Variants in DGKB observed in about 807,000 individuals in gnomAD.
DGKB encodes the protein diacylglycerol kinase beta.
In DGKB, 67 loss-of-function variants were observed where a neutral mutation model predicts 114.3. The ratio of observed to expected loss-of-function variants is 0.59; its 90% CI spans 0.48 to 0.72. The LOEUF is 0.72. DGKB is among the 30% of genes least tolerant of loss of function. The pLI is 0.00. For missense variants in DGKB, 907 were observed against 975.2 expected (o/e 0.93, Z 0.93); for synonymous variants, 398 against 323.1 (o/e 1.23, Z -2.49).
At chr7:14,381,135 T>G (rs1362735149) in intron 21 of DGKB, among the ~76,000 whole-genome samples, 2 of 152,184 alleles carry the variant, frequency 1.3e-5, no homozygotes, top group Non-Finnish European at 2.9e-5. Context: ...TGCTGCCATC[T>G]CTAGGTGAGA....
chr7:14,570,770 C>A (rs1798265455), intron 20 of DGKB, among the ~76,000 whole-genome samples: 1 of 151,130 alleles, frequency 6.6e-6, no homozygotes, highest in Admixed American at 6.6e-5. Context: ...GTGGCAGAGG[C>A]AAAATAGGTG....
chr7:14,492,984 C>T lies in DGKB; in HGVS notation c.1771-14759G>A, dbSNP rs142900753. Among the ~76,000 whole-genome samples, 798 of 152,176 alleles carry T rather than the reference C, an allele frequency of 5.2e-3. 6 individuals carry two copies. Among genetic ancestry groups the T allele is most frequent in the African/African-American group, 0.018 (767 of 41,532 alleles). The stretch of plus-strand genomic sequence containing the variant: ...ACATAGACATAACCATTTTTCAATA[C>T]ATCTACTTTGAATGCTTAATCTATG... On this transcript the variant is annotated intron_variant, in intron 20 of 25. Transcript: ENST00000402815.
chr7:14,471,755 T>C (rs1365981904), intron 21 of DGKB, among the ~76,000 whole-genome samples: 1 of 152,036 alleles, frequency 6.6e-6, no homozygotes, highest in Non-Finnish European at 1.5e-5. Context: ...TATAAAAGCA[T>C]AAACTATAAA....
chr7:14,566,448 G>C (rs897854223), intron 20 of DGKB, among the ~76,000 whole-genome samples: 1 of 152,120 alleles, frequency 6.6e-6, no homozygotes, highest in Non-Finnish European at 1.5e-5. Context: ...TATATTTATA[G>C]ATTTTAGGTA....
chr7:14,810,843 A>G (rs1284478754), intron 2 of DGKB, among the ~76,000 whole-genome samples: 2 of 152,170 alleles, frequency 1.3e-5, no homozygotes, highest in African/African-American at 4.8e-5. Context: ...TCCTGGACTC[A>G]AGTGATCTGC....
chr7:14,756,648 A>G (rs1834914685), intron 3 of DGKB, among the ~76,000 whole-genome samples: 1 of 152,014 alleles, frequency 6.6e-6, no homozygotes, highest in African/African-American at 2.4e-5. Context: ...AACAATTTGA[A>G]TATCTTGAGG....
chr7:14,486,984 T>C (rs539986567), intron 20 of DGKB, among the ~76,000 whole-genome samples: 1 of 152,338 alleles, frequency 6.6e-6, no homozygotes, highest in South Asian at 2.1e-4. Flanking sequence ...AAAAGATTAA[T>C]CTTTTGTCTT....
intron 1 of DGKB, among the ~76,000 whole-genome samples, chr7:14,872,742 T>C (rs1852659771): frequency 6.6e-6 from 1 of 151,730 alleles, no homozygotes; most frequent in African/African-American, 2.4e-5. Flanking sequence ...ACTCTTGGAT[T>C]CTGGGAAAGG....
chr7:14,260,338 T>C (rs1478533250), intron 23 of DGKB, among the ~76,000 whole-genome samples: 1 of 152,208 alleles, frequency 6.6e-6, no homozygotes, highest in Non-Finnish European at 1.5e-5. Context: ...GGTATGAATT[T>C]GGATTTTCCC....
At chr7:14,929,961 T>C (rs1184070218) in intron 1 of DGKB, among the ~76,000 whole-genome samples, 1 of 152,122 alleles carries the variant, frequency 6.6e-6, no homozygotes, top group Non-Finnish European at 1.5e-5. Context: ...TTTTCCAGCA[T>C]CGTTTATTGA....
intron 4 of DGKB, among the ~76,000 whole-genome samples, chr7:14,750,662 T>C (rs1180173689): frequency 6.6e-6 from 1 of 152,146 alleles, no homozygotes; most frequent in East Asian, 1.9e-4. Context: ...CCTAAAAATA[T>C]GATTTATAAT....
intron 23 of DGKB, among the ~76,000 whole-genome samples, chr7:14,335,104 C>T (rs1221833161): frequency 1.3e-5 from 2 of 152,044 alleles, no homozygotes; most frequent in Admixed American, 6.6e-5. Context: ...AATTTCCAAC[C>T]AATGAACTTA....
intron 21 of DGKB, among the ~76,000 whole-genome samples, chr7:14,370,750 T>C (rs1446031921): frequency 6.6e-6 from 1 of 152,158 alleles, no homozygotes; most frequent in East Asian, 1.9e-4. Context: ...AAGTTTGAGA[T>C]AAAAATGATC....
intron 1 of DGKB, among the ~76,000 whole-genome samples, chr7:14,963,845 G>A (rs1787002760): frequency 6.6e-6 from 1 of 152,190 alleles, no homozygotes; most frequent in South Asian, 2.1e-4. Flanking sequence ...AATTGACCAC[G>A]TTACAGTCAA....
intron 12 of DGKB, among the ~76,000 whole-genome samples, chr7:14,678,660 G>T (rs1316328934): frequency 1.3e-5 from 2 of 152,020 alleles, no homozygotes; most frequent in Non-Finnish European, 2.9e-5. Context: ...ATTATAGATT[G>T]CTAAAGAAGG....
At position 14,635,748 on chromosome 7, in the gene DGKB, T is replaced by G. The variant is rs528256276; in HGVS notation, c.1135-5480A>C. 2.0e-4 allele frequency among the ~76,000 whole-genome samples: 31 copies of G among 151,684 alleles called. No individual in the cohort carries two copies. The South Asian group carries it at 6.4e-3, about 31-fold the overall frequency. ...CAGGGATCTGAGGGAAGTTGGTAAC[T>G]TGAAAAAATCACCCCCTTCAAAGAA... On this transcript the variant is annotated intron_variant, in intron 13 of 25. Transcript: ENST00000402815.
intron 13 of DGKB, among the ~76,000 whole-genome samples, chr7:14,641,563 T>C (rs1482773769): frequency 6.6e-6 from 1 of 152,018 alleles, no homozygotes; most frequent in African/African-American, 2.4e-5. Flanking sequence ...TTTTTTGTAA[T>C]AGATGTAATG....
chr7:14,301,742 G>A (rs1803587004), intron 23 of DGKB, among the ~76,000 whole-genome samples: 1 of 152,048 alleles, frequency 6.6e-6, no homozygotes, highest in Non-Finnish European at 1.5e-5. Flanking sequence ...TAATAAGAGA[G>A]TAAAAAAATG....
At chr7:14,941,896 T>A (rs1587425236) in intron 1 of DGKB, among the ~76,000 whole-genome samples, 1 of 152,074 alleles carries the variant, frequency 6.6e-6, no homozygotes, top group African/African-American at 2.4e-5. Context: ...ACTTTTCAAC[T>A]CAACCTTTAG....
Sources: gnomAD v4.1 joint callset for allele counts (sites outside exome capture counted in the v4.1 genomes callset) on GRCh38, gnomAD v4.1.1 for gene constraint, MANE v1.5 for transcripts, NCBI Gene and HGNC (gene_info 2026-07-23, HGNC 2026-07-21) for gene names.